The following SPMIP8 variants were observed in gnomAD, a reference collection of about 807,000 sequenced individuals.
SPMIP8 encodes the protein sperm microtubule inner protein 8, also known as testicular tissue protein Li 196.
the SPMIP8 span, among the ~76,000 whole-genome samples, chr16:57,980,727 C>T: frequency 6.6e-6 from 1 of 152,178 alleles, no homozygotes; most frequent in Admixed American, 6.5e-5. Context: ...CAGAGTTTCT[C>T]TCCATCACCC....
chr16:57,981,043 C>T, the SPMIP8 span, among the ~76,000 whole-genome samples: 3 of 152,074 alleles, frequency 2.0e-5, no homozygotes, highest in African/African-American at 2.4e-5. Context: ...TGTAGGGGTG[C>T]GTGACTTAAC....
At chr16:57,976,586 A>C in the SPMIP8 span, 1 of 1,614,172 alleles carries the variant, frequency 6.2e-7, no homozygotes. Context: ...AAGTCCTTAT[A>C]AGCCTGTGCA....
the SPMIP8 span, chr16:57,985,608 G>A: frequency 6.6e-7 from 1 of 1,516,492 alleles, no homozygotes; most frequent in Non-Finnish European, 8.8e-7. Flanking sequence ...GGTCTGGGCC[G>A]CTTTCCTAGC....
At chr16:57,978,067 TGG>T in the SPMIP8 span, 1 of 1,596,654 alleles carries the variant, frequency 6.3e-7, no homozygotes, top group Non-Finnish European at 8.6e-7. Flanking sequence ...GGATCCCCTT[TGG>T]GGAAGGGGCA....
chr16:57,984,865 G>A, the SPMIP8 span: 1 of 1,533,408 alleles, frequency 6.5e-7, no homozygotes, highest in Non-Finnish European at 8.8e-7. Flanking sequence ...CGGGGCTGGA[G>A]CAGGGAACGT....
the SPMIP8 span, chr16:57,977,743 G>A: frequency 4.6e-6 from 7 of 1,517,834 alleles, no homozygotes; most frequent in African/African-American, 6.8e-5. Flanking sequence ...GGCCAAGGTT[G>A]TTTTCATGCA....
chr16:57,984,245 A>G, the SPMIP8 span: 1 of 1,575,132 alleles, frequency 6.3e-7, no homozygotes, highest in Non-Finnish European at 8.7e-7. Flanking sequence ...AAGTTCTCCT[A>G]TGACCTCTGA....
chr16:57,985,518 G>C, the SPMIP8 span: 3 of 1,611,000 alleles, frequency 1.9e-6, no homozygotes, highest in Non-Finnish European at 2.5e-6. Flanking sequence ...GGACCGCTAC[G>C]GACAGAAGCC....
At chr16:57,987,412 AC>A in the SPMIP8 span, 9 of 1,597,050 alleles carry the variant, frequency 5.6e-6, no homozygotes, top group Non-Finnish European at 7.7e-6. Context: ...CAACTACCTG[AC>A]CCCCTGGCAT....
At chr16:57,986,119 A>C in the SPMIP8 span, 2 of 695,656 alleles carry the variant, frequency 2.9e-6, no homozygotes, top group Non-Finnish European at 4.3e-6. Context: ...CCCCTGGCAA[A>C]TGTGCAGCCC....
the SPMIP8 span, chr16:57,976,649 G>C: frequency 1.9e-6 from 3 of 1,612,510 alleles, no homozygotes; most frequent in African/African-American, 4.0e-5. Flanking sequence ...GTCAGAAGCA[G>C]GGAGCCCTTG....
the SPMIP8 span, chr16:57,985,801 C>A: frequency 7.1e-7 from 1 of 1,416,384 alleles, no homozygotes. Context: ...GCCCTGGAAC[C>A]CTTCAGGAGG....
the SPMIP8 span, among the ~76,000 whole-genome samples, chr16:57,977,407 C>CA: frequency 4.6e-4 from 46 of 99,786 alleles, no homozygotes; most frequent in South Asian, 1.7e-3. Flanking sequence ...GAGACTGTCT[C>CA]AAAAAAAAAA....
At chr16:57,985,812 G>A in the SPMIP8 span, 1 of 1,469,288 alleles carries the variant, frequency 6.8e-7, no homozygotes, top group Non-Finnish European at 9.1e-7. Flanking sequence ...CTTCAGGAGG[G>A]ATGGCGGGGA....
At chr16:57,984,883 G>T in the SPMIP8 span, 3 of 1,483,650 alleles carry the variant, frequency 2.0e-6, no homozygotes, top group South Asian at 1.3e-5. Flanking sequence ...CGTGGACTGC[G>T]GACGGGAACG....
At chr16:57,976,763 C>T in the SPMIP8 span, 1 of 1,096,128 alleles carries the variant, frequency 9.1e-7, no homozygotes. Context: ...CTCCCTGCTC[C>T]TCCATGATCT....
At chr16:57,984,677 C>A in the SPMIP8 span, 21 of 1,594,968 alleles carry the variant, frequency 1.3e-5, no homozygotes, top group Non-Finnish European at 1.6e-5. Context: ...ACAGGTACCA[C>A]GAGGGAAAGC....
chr16:57,981,526 T>TTTTG, the SPMIP8 span, among the ~76,000 whole-genome samples: 1 of 59,784 alleles, frequency 1.7e-5, no homozygotes, highest in African/African-American at 5.1e-5. Context: ...TTTTTTTTTT[T>TTTTG]TTTGAGACAG....
At chr16:57,978,203 A>G in the SPMIP8 span, among the ~76,000 whole-genome samples, 1 of 152,210 alleles carries the variant, frequency 6.6e-6, no homozygotes, top group South Asian at 2.1e-4. Flanking sequence ...TACAATGAGG[A>G]TAATTGACAA....
Sources: allele counts gnomAD v4.1 joint callset (sites outside exome capture counted in the v4.1 genomes callset), GRCh38; gene constraint gnomAD v4.1.1; transcripts MANE v1.5; gene names NCBI Gene and HGNC (gene_info 2026-07-23, HGNC 2026-07-21).